The following MIR2052HG variants were observed in gnomAD, a reference collection of about 807,000 sequenced individuals.
MIR2052HG encodes the protein MIR2052 host gene.
intron 2 of MIR2052HG, among the ~76,000 whole-genome samples, chr8:74,688,124 C>T (rs190624927): frequency 1.2e-4 from 18 of 152,296 alleles, no homozygotes; most frequent in African/African-American, 4.3e-4. Flanking sequence ...TATGTTTACA[C>T]TTCTTTGCCT....
chr8:74,686,294 C>T (rs1327085351), intron 2 of MIR2052HG, among the ~76,000 whole-genome samples: 1 of 151,918 alleles, frequency 6.6e-6, no homozygotes, highest in African/African-American at 2.4e-5. Flanking sequence ...TTCTTGACAT[C>T]GACTCTTTCT....
chr8:74,603,324 C>G (rs1003703483), intron 1 of MIR2052HG: 2 of 1,607,494 alleles, frequency 1.2e-6, no homozygotes, highest in African/African-American at 2.7e-5. Flanking sequence ...CCGAGGAAAG[C>G]CTGACATTGA....
chr8:74,708,442 T>C (rs192031342), intron 4 of MIR2052HG, among the ~76,000 whole-genome samples: 6 of 152,240 alleles, frequency 3.9e-5, no homozygotes, highest in Non-Finnish European at 7.4e-5. Flanking sequence ...TTCAAGAAGA[T>C]TGGAAGAAGA....
chr8:74,733,349 G>A (rs1209987574), intron 4 of MIR2052HG, among the ~76,000 whole-genome samples: 1 of 151,950 alleles, frequency 6.6e-6, no homozygotes, highest in Non-Finnish European at 1.5e-5. Flanking sequence ...TTTTGTTCTT[G>A]TGACAGTTTA....
At chr8:74,672,724 C>T (rs1425769) in intron 2 of MIR2052HG, among the ~76,000 whole-genome samples, 16,480 of 152,008 alleles carry the variant, frequency 0.11, 2,077 homozygotes, top group African/African-American at 0.31. Flanking sequence ...TGTTTTATTA[C>T]TTTAATATCT....
At chr8:74,600,075 C>G (rs938437015) in intron 1 of MIR2052HG, among the ~76,000 whole-genome samples, 6 of 152,158 alleles carry the variant, frequency 3.9e-5, no homozygotes, top group Non-Finnish European at 8.8e-5. Context: ...AATGCCTCGC[C>G]GTGCTTCGGC....
intron 2 of MIR2052HG, among the ~76,000 whole-genome samples, chr8:74,696,388 ACAAT>A (rs1809296588): frequency 6.6e-6 from 1 of 152,130 alleles, no homozygotes; most frequent in Non-Finnish European, 1.5e-5. Context: ...GCACAAATAA[ACAAT>A]CTAAGGTCAC....
At chr8:74,752,641 T>A in intron 5 of MIR2052HG, 1 of 331,946 alleles carries the variant, frequency 3.0e-6, no homozygotes, top group East Asian at 1.0e-4. Flanking sequence ...GTATCTTTGT[T>A]GAATTTTTAA....
chr8:74,699,577 G>A (rs1204554417), intron 2 of MIR2052HG, among the ~76,000 whole-genome samples: 1 of 152,076 alleles, frequency 6.6e-6, no homozygotes, highest in Non-Finnish European at 1.5e-5. Context: ...ACAAGTGGGA[G>A]CTAAGCTATG....
At chr8:74,753,458 C>T (rs1043799107) in intron 5 of MIR2052HG, among the ~76,000 whole-genome samples, 2 of 152,214 alleles carry the variant, frequency 1.3e-5, no homozygotes, top group Non-Finnish European at 2.9e-5. Context: ...CAATTCCATA[C>T]TAAGACTGAG....
chr8:74,723,619 G>A (rs548025288), intron 4 of MIR2052HG, among the ~76,000 whole-genome samples: 2 of 152,128 alleles, frequency 1.3e-5, no homozygotes, highest in South Asian at 2.1e-4. Flanking sequence ...CTCTATGCTC[G>A]GACTCCAGGA....
intron 2 of MIR2052HG, among the ~76,000 whole-genome samples, chr8:74,664,029 A>G (rs554265060): frequency 6.6e-6 from 1 of 152,300 alleles, no homozygotes; most frequent in East Asian, 1.9e-4. Context: ...GGAATGGAAA[A>G]CCAAATACTG....
chr8:74,682,828 A>G (rs1255538062), intron 2 of MIR2052HG, among the ~76,000 whole-genome samples: 1 of 152,184 alleles, frequency 6.6e-6, no homozygotes, highest in African/African-American at 2.4e-5. Context: ...TAGTAGAAGG[A>G]TTGTTACAGA....
At chr8:74,683,163 A>C (rs1489210855) in intron 2 of MIR2052HG, among the ~76,000 whole-genome samples, 1 of 152,298 alleles carries the variant, frequency 6.6e-6, no homozygotes, top group East Asian at 1.9e-4. Flanking sequence ...GCTATTATGC[A>C]TCACAATATG....
chr8:74,730,858 A>G (rs985817462), intron 4 of MIR2052HG, among the ~76,000 whole-genome samples: 3 of 152,306 alleles, frequency 2.0e-5, no homozygotes, highest in Non-Finnish European at 1.5e-5. Flanking sequence ...TTATTGAAAT[A>G]AAGGTGAGAA....
chr8:74,717,769 C>T (rs1285421786), intron 4 of MIR2052HG, among the ~76,000 whole-genome samples: 1 of 151,160 alleles, frequency 6.6e-6, no homozygotes, highest in East Asian at 1.9e-4. Context: ...AATCACACCA[C>T]TGCACTCTAG....
chr8:74,753,290 A>T (rs2128756902), intron 5 of MIR2052HG, among the ~76,000 whole-genome samples: 1 of 152,278 alleles, frequency 6.6e-6, no homozygotes, highest in Non-Finnish European at 1.5e-5. Flanking sequence ...CCACACAGGC[A>T]AATGTATACA....
intron 4 of MIR2052HG, among the ~76,000 whole-genome samples, chr8:74,735,013 T>A (rs1386347508): frequency 6.6e-6 from 1 of 152,184 alleles, no homozygotes; most frequent in Non-Finnish European, 1.5e-5. Context: ...ATAAAGCCAT[T>A]TGTATCATTA....
intron 5 of MIR2052HG, among the ~76,000 whole-genome samples, chr8:74,754,691 G>A (rs1274482072): frequency 1.3e-5 from 2 of 150,680 alleles, no homozygotes; most frequent in Non-Finnish European, 1.5e-5. Flanking sequence ...TGGGTCAGGT[G>A]CCCTTAGGGC....
Sources: gnomAD v4.1 joint callset for allele counts (sites outside exome capture counted in the v4.1 genomes callset) on GRCh38, gnomAD v4.1.1 for gene constraint, MANE v1.5 for transcripts, NCBI Gene and HGNC (gene_info 2026-07-23, HGNC 2026-07-21) for gene names.